The following SMTN variants were observed in gnomAD, a reference collection of about 807,000 sequenced individuals.
The protein encoded by SMTN is smoothelin.
In SMTN, 58 loss-of-function variants were observed where a neutral mutation model predicts 102.0. That is an observed-to-expected ratio of 0.57 (90% confidence interval 0.46 to 0.71). The LOEUF is 0.71. Ranked by LOEUF, SMTN falls within the 30% of genes least tolerant of loss-of-function variation. The probability of loss-of-function intolerance (pLI) is 0.00; values close to 1 mark genes in which losing one functional copy is unlikely to be tolerated. For missense variants in SMTN, 1,185 were observed against 1,241.7 expected (o/e 0.95, Z 0.69); for synonymous variants, 478 against 497.9 (o/e 0.96, Z 0.53).
At chr22:31,074,663 A>G (rs2042085824) in intron 1 of SMTN, among the ~76,000 whole-genome samples, 1 of 151,964 alleles carries the variant, frequency 6.6e-6, no homozygotes, top group African/African-American at 2.4e-5. Context: ...GGTGGTGCAC[A>G]CCAGTAATCC....
At chr22:31,089,163 C>T (rs1024235838) in intron 6 of SMTN, among the ~76,000 whole-genome samples, 194 bp downstream of exon 6, 1 of 152,206 alleles carries the variant, frequency 6.6e-6, no homozygotes, top group African/African-American at 2.4e-5. Flanking sequence ...TCAACCCGTC[C>T]CAGGGCTGCC....
At chr22:31,085,300 G>A in intron 2 of SMTN, 9 of 1,487,946 alleles carry the variant, frequency 6.0e-6, no homozygotes, top group Non-Finnish European at 7.2e-6. Flanking sequence ...GGGTGGGCGA[G>A]GCGAGGGCGG....
intron 19 of SMTN, among the ~76,000 whole-genome samples, chr22:31,100,342 T>C (rs1217360817): frequency 6.6e-6 from 1 of 152,118 alleles, no homozygotes; most frequent in African/African-American, 2.4e-5. Context: ...ATATAGGACC[T>C]CAGCAAGCCC....
chr22:31,083,943 C>T (rs3936085), intron 2 of SMTN, among the ~76,000 whole-genome samples: 3,323 of 152,310 alleles, frequency 0.022, 128 homozygotes, highest in African/African-American at 0.075. Context: ...GATTCTGTGG[C>T]TTCTCATCTC....
At position 31,088,054 on chromosome 22, in the gene SMTN, G is replaced by A; in HGVS notation, c.141G>A (p.Glu47=). 6.2e-7 allele frequency: 1 copy of A among 1,612,228 alleles called. No homozygotes were observed. The highest frequency in any genetic ancestry group is 8.5e-7 in the Non-Finnish European group (1 of 1,178,862). ...LQRQELEREE[E]ALASKRFRAE... is the part of the protein sequence containing the mutation. ...GGCAGGAGCTGGAGCGCGAGGAGGA[G>A]GCCCTGGCATCCAAGCGTTTCCGTG... is the stretch of plus-strand genomic sequence containing the variant. Residue 47 remains glutamate (E), a synonymous_variant, in exon 3 of 21, where the codon GAG becomes GAA. Coordinates refer to ENST00000333137, the MANE Select transcript of SMTN (RefSeq NM_134269.3).
Position 31,088,275 on chromosome 22 carries a change from A to G in SMTN, c.200+162A>G, listed in dbSNP as rs1044985933. ...TGGAAAAACAGAGATGTTTGTGGGC[A>G]TGGAGCATGTACTGATTGTGGCGTC... On this transcript the variant is annotated intron_variant, in intron 3 of 20. Transcript: ENST00000333137. The G allele has an allele frequency of 1.4e-5, 13 of 940,974 alleles. No homozygotes were observed. The African/African-American group carries it at 1.7e-4, about 12-fold the overall frequency. The allele number at this position is 940,974 out of a possible 1,614,324, so 58.3% of individuals were successfully genotyped here.
upstream of SMTN, among the ~76,000 whole-genome samples, chr22:31,076,341 C>T (rs1158441696): frequency 6.6e-6 from 1 of 152,216 alleles, no homozygotes; most frequent in African/African-American, 2.4e-5. Context: ...AGGAGCCATC[C>T]ACCCCGCTGT....
chr22:31,088,903 G>T lies in SMTN; in HGVS notation c.405G>T (p.Gly135=). 6.2e-7 allele frequency: 1 copy of T among 1,613,940 alleles called. No individual in the cohort carries two copies. The highest frequency in any genetic ancestry group is 8.5e-7 in the Non-Finnish European group (1 of 1,180,008). Residue 135 remains glycine, a synonymous_variant, in exon 6 of 21, where the codon GGG becomes GGT. Transcript: ENST00000333137. The stretch of plus-strand genomic sequence containing the variant: ...CCTTGGCTGGGAGGTTGTACAGCGG[G>T]CGTCCCAACAGTGGCTCAAGAGAGG... ...AATLAGRLYS[G]RPNSGSREDS...
At chr22:31,084,801 C>T (rs948910505) in intron 2 of SMTN, among the ~76,000 whole-genome samples, 38 of 152,370 alleles carry the variant, frequency 2.5e-4, no homozygotes, top group African/African-American at 8.9e-4. Flanking sequence ...GTCTCGGGAT[C>T]GGTGCCTCTC....
intron 1 of SMTN, among the ~76,000 whole-genome samples, chr22:31,073,553 C>T (rs7286997): frequency 1.3e-5 from 2 of 152,006 alleles, no homozygotes; most frequent in African/African-American, 2.4e-5. Flanking sequence ...AGGCAGGATT[C>T]GGGGGCAAGG....
At chr22:31,089,035 A>G in intron 6 of SMTN, 66 bp downstream of exon 6, 2 of 1,320,194 alleles carry the variant, frequency 1.5e-6, no homozygotes, top group East Asian at 2.3e-5. Context: ...AGAGTGCCTG[A>G]GTGTCTTTGC....
intron 2 of SMTN, chr22:31,084,943 G>T: frequency 7.3e-7 from 1 of 1,364,964 alleles, no homozygotes. Flanking sequence ...TCCTCCCCGC[G>T]GGGCCGGGCC....
chr22:31,097,147 A>C, intron 15 of SMTN, 87 bp downstream of exon 15: 1 of 1,507,136 alleles, frequency 6.6e-7, no homozygotes, highest in African/African-American at 1.4e-5. Context: ...CCGTGTCTTC[A>C]ACTGTGCCGT....
chr22:31,103,877 T>G, intron 20 of SMTN: 1 of 169,298 alleles, frequency 5.9e-6, no homozygotes, highest in Non-Finnish European at 1.3e-5. Context: ...GCCACTAGAG[T>G]GAGACCTATC....
At chr22:31,073,181 A>C (rs1345451413) in intron 1 of SMTN, among the ~76,000 whole-genome samples, 6 of 151,712 alleles carry the variant, frequency 4.0e-5, no homozygotes, top group Non-Finnish European at 8.8e-5. Flanking sequence ...TTGATTCTTT[A>C]TAGATGTTAA....
chr22:31,085,147 C>T (rs953069987), intron 2 of SMTN: 4 of 1,535,390 alleles, frequency 2.6e-6, no homozygotes, highest in Non-Finnish European at 3.5e-6. Flanking sequence ...CCCTCTGCCT[C>T]GGTCCCGAGT....
At chr22:31,089,143 C>G (rs1229190703) in intron 6 of SMTN, among the ~76,000 whole-genome samples, 174 bp downstream of exon 6, 5 of 152,210 alleles carry the variant, frequency 3.3e-5, no homozygotes, top group Non-Finnish European at 7.3e-5. Flanking sequence ...GCCCTGGCAC[C>G]TCCCCTGCTT....
intron 16 of SMTN, 58 bp downstream of exon 16, chr22:31,097,396 C>A: frequency 6.7e-7 from 1 of 1,490,728 alleles, no homozygotes; most frequent in Admixed American, 1.7e-5. Context: ...GGGGACCTAA[C>A]TGCAAACCCG....
chr22:31,097,545 A>C (rs1350070994), intron 16 of SMTN, among the ~76,000 whole-genome samples: 1 of 151,942 alleles, frequency 6.6e-6, no homozygotes, highest in East Asian at 1.9e-4. Flanking sequence ...CTCTACTAAA[A>C]ATACAAAAAT....
Sources: allele counts gnomAD v4.1 joint callset (sites outside exome capture counted in the v4.1 genomes callset), GRCh38; gene constraint gnomAD v4.1.1; transcripts MANE v1.5; gene names NCBI Gene and HGNC (gene_info 2026-07-23, HGNC 2026-07-21).